TENM2: variants seen among roughly 807,000 people sequenced by gnomAD.
The protein encoded by TENM2 is teneurin transmembrane protein 2.
A neutral mutation model predicts 245.2 loss-of-function variants in TENM2; 52 were observed. The observed-to-expected ratio is 0.21, with a 90% CI of 0.17 to 0.27. The LOEUF (loss-of-function observed/expected upper bound fraction) is 0.27. Ranked by LOEUF, TENM2 falls within the 10% of genes least tolerant of loss-of-function variation. TENM2 has a pLI of 1.00. For synonymous variants in TENM2, 1,363 were observed against 1,438.9 expected (o/e 0.95, Z 1.19); for missense variants, 3,046 against 3,666.8 (o/e 0.83, Z 4.37).
At chr5:168,173,625 C>A (rs1282452302) in intron 13 of TENM2, among the ~76,000 whole-genome samples, 1 of 152,164 alleles carries the variant, frequency 6.6e-6, no homozygotes, top group Non-Finnish European at 1.5e-5. Flanking sequence ...CCACCAAAAT[C>A]ATTTATTCAT....
At chr5:167,458,574 T>C (rs1456760571) in intron 2 of TENM2, among the ~76,000 whole-genome samples, 25 of 151,938 alleles carry the variant, frequency 1.6e-4, no homozygotes, top group Admixed American at 1.6e-3. Flanking sequence ...GAAAAGGATT[T>C]TTATGGCCAT....
intron 25 of TENM2, among the ~76,000 whole-genome samples, chr5:168,236,956 A>T (rs1434440355): frequency 3.3e-3 from 5 of 1,494 alleles, no homozygotes; most frequent in Non-Finnish European, 5.9e-3. Context: ...ATATATATAT[A>T]TATATATATA....
intron 8 of TENM2, among the ~76,000 whole-genome samples, chr5:168,092,202 A>G (rs547909173): frequency 1.7e-4 from 26 of 152,306 alleles, no homozygotes; most frequent in African/African-American, 6.0e-4. Context: ...AAAGGTGTAA[A>G]ATCATATAGA....
At chr5:167,322,110 G>T (rs796129767) in intron 1 of TENM2, among the ~76,000 whole-genome samples, 127 of 152,026 alleles carry the variant, frequency 8.4e-4, no homozygotes, top group African/African-American at 2.9e-3. Flanking sequence ...GGCATGATAG[G>T]CTTGAGCCAC....
At chr5:167,182,992 A>G in the TENM2 span, among the ~76,000 whole-genome samples, 2 of 152,206 alleles carry the variant, frequency 1.3e-5, no homozygotes, top group African/African-American at 4.8e-5. Flanking sequence ...TCTTAAAAAA[A>G]GATTATTTTC....
chr5:167,516,455 G>A, intron 2 of TENM2, among the ~76,000 whole-genome samples: 1 of 152,068 alleles, frequency 6.6e-6, no homozygotes, highest in East Asian at 1.9e-4. Flanking sequence ...ATCTCTAATG[G>A]AATCTCTGCA....
At chr5:167,693,650 A>C (rs1279225080) in intron 2 of TENM2, among the ~76,000 whole-genome samples, 2 of 151,138 alleles carry the variant, frequency 1.3e-5, no homozygotes, top group Non-Finnish European at 2.9e-5. Flanking sequence ...AAAAAAAAAA[A>C]CCACTTGATT....
At chr5:167,157,509 T>C in the TENM2 span, among the ~76,000 whole-genome samples, 6 of 152,176 alleles carry the variant, frequency 3.9e-5, no homozygotes, top group Admixed American at 2.6e-4. Context: ...ACCTGGAAAT[T>C]TTCCACAGGT....
intron 2 of TENM2, among the ~76,000 whole-genome samples, chr5:167,375,969 T>A (rs1433818431): frequency 1.3e-5 from 2 of 152,202 alleles, no homozygotes; most frequent in East Asian, 3.9e-4. Context: ...TGGAGCTTAA[T>A]AATGACAAAT....
intron 12 of TENM2, among the ~76,000 whole-genome samples, chr5:168,162,064 C>A (rs1235576674): frequency 6.6e-6 from 1 of 152,068 alleles, no homozygotes; most frequent in Non-Finnish European, 1.5e-5. Flanking sequence ...TAAATATTAC[C>A]TGTACAAGCA....
chr5:167,040,262 C>T, the TENM2 span, among the ~76,000 whole-genome samples: 93,981 of 151,814 alleles, frequency 0.62, 30,822 homozygotes, highest in African/African-American at 0.85. Flanking sequence ...GTGTAGTGCT[C>T]AGACCTACAA....
chr5:167,591,718 G>C (rs1019885137), intron 2 of TENM2, among the ~76,000 whole-genome samples: 7 of 152,022 alleles, frequency 4.6e-5, no homozygotes, highest in African/African-American at 1.7e-4. Context: ...TATCCTGCAG[G>C]GGCTTGTGTA....
At chr5:167,006,853 A>G in the TENM2 span, among the ~76,000 whole-genome samples, 175 of 152,006 alleles carry the variant, frequency 1.2e-3, 3 homozygotes, top group East Asian at 0.032. Flanking sequence ...TTTGGTAGAG[A>G]TGGGGGTTTC....
chr5:167,438,322 A>G (rs902248216), intron 2 of TENM2, among the ~76,000 whole-genome samples: 6 of 152,128 alleles, frequency 3.9e-5, no homozygotes, highest in Admixed American at 3.3e-4. Flanking sequence ...CATGTTCAAA[A>G]CCAAAAGTGC....
chr5:168,150,303 G>A (rs1756528409), intron 12 of TENM2, among the ~76,000 whole-genome samples: 1 of 152,226 alleles, frequency 6.6e-6, no homozygotes, highest in Non-Finnish European at 1.5e-5. Context: ...TAATCATTCA[G>A]TAAATGTTTG....
At position 167,325,660 on chromosome 5, in the gene TENM2, A is replaced by T. The variant is rs913703952; in HGVS notation, c.226+40597A>T. 5.3e-5 allele frequency among the ~76,000 whole-genome samples: 8 copies of T among 152,334 alleles called. No individual in the cohort carries two copies. The East Asian group carries it at 1.5e-3, about 29-fold the overall frequency. ...GATTTTAGCTTGCATATAGTTCAAG[A>T]GCTATACACTGGTCAGGGGTTTATA... On this transcript the variant is annotated intron_variant, in intron 1 of 28. Transcript: ENST00000518659.
At chr5:167,597,274 C>G (rs559189770) in intron 2 of TENM2, among the ~76,000 whole-genome samples, 1 of 150,310 alleles carries the variant, frequency 6.7e-6, no homozygotes, top group Non-Finnish European at 1.5e-5. Flanking sequence ...AAGTGATTCT[C>G]CTGCCTCAGC....
chr5:168,217,035 A>G, intron 22 of TENM2, 113 bp downstream of exon 24: 4 of 1,209,500 alleles, frequency 3.3e-6, no homozygotes, highest in South Asian at 1.3e-5. Context: ...ATACAGATAC[A>G]GATCACGGGG....
chr5:167,188,022 TA>T, the TENM2 span, among the ~76,000 whole-genome samples: 1 of 152,188 alleles, frequency 6.6e-6, no homozygotes, highest in African/African-American at 2.4e-5. Context: ...GATTAGTCAC[TA>T]ATCTTCCATC....
Sources: allele counts gnomAD v4.1 joint callset (sites outside exome capture counted in the v4.1 genomes callset), GRCh38; gene constraint gnomAD v4.1.1; transcripts MANE v1.5; gene names NCBI Gene and HGNC (gene_info 2026-07-23, HGNC 2026-07-21).